The following NRXN3 variants were observed in gnomAD, a reference collection of about 807,000 sequenced individuals.
NRXN3 encodes neurexin 3.
NRXN3 carries 32 observed loss-of-function variants against 137.6 expected under a neutral mutation model. The ratio of observed to expected loss-of-function variants is 0.23; its 90% CI spans 0.18 to 0.31. The LOEUF (loss-of-function observed/expected upper bound fraction) is 0.31. Among genes scored for constraint, NRXN3 ranks in the 10% least tolerant of loss-of-function variants. The pLI is 1.00. For missense variants in NRXN3, 1,574 were observed against 2,062.5 expected, an observed-to-expected ratio of 0.76 and a Z score of 4.59; for synonymous variants, 798 against 784.5, an observed-to-expected ratio of 1.02 and a Z score of -0.29.
chr14:79,197,056 C>G (rs2065235800), intron 15 of NRXN3, among the ~76,000 whole-genome samples: 1 of 152,128 alleles, frequency 6.6e-6, no homozygotes, highest in South Asian at 2.1e-4. Flanking sequence ...ATCTCTTATC[C>G]TATTTCTGGG....
intron 19 of NRXN3, among the ~76,000 whole-genome samples, chr14:79,741,686 A>G (rs758783877): frequency 5.3e-5 from 8 of 151,800 alleles, no homozygotes; most frequent in South Asian, 2.1e-4. Flanking sequence ...GGGTTTTGCT[A>G]TGTTGGCCAG....
chr14:78,347,129 G>A (rs930512234), intron 4 of NRXN3, among the ~76,000 whole-genome samples: 7 of 152,304 alleles, frequency 4.6e-5, no homozygotes, highest in African/African-American at 1.4e-4. Flanking sequence ...ATGAATTGCC[G>A]TCAATTACAA....
intron 4 of NRXN3, among the ~76,000 whole-genome samples, chr14:78,597,340 A>T (rs2097165771): frequency 6.6e-6 from 1 of 152,266 alleles, no homozygotes; most frequent in African/African-American, 2.4e-5. Flanking sequence ...CTACAATTAA[A>T]GATAGAATCC....
At position 79,862,472 on chromosome 14, in the gene NRXN3, A is replaced by G. The variant is rs1309628498; in HGVS notation, c.*508A>G. ...AAAAGTTAAAAAAGAAAAAAACACC[A>G]AAAAACAAAAACAAACAAAAAAAAA... On this transcript the variant is annotated 3_prime_UTR_variant, in exon 21 of 21. Coordinates refer to ENST00000335750, the MANE Select transcript of NRXN3 (RefSeq NM_001330195.2). 2 of 151,678 alleles carry G rather than the reference A, an allele frequency of 1.3e-5. No homozygotes were observed. Among genetic ancestry groups the G allele is most frequent in the Non-Finnish European group, 1.5e-5 (1 of 67,874 alleles). 9.4% of individuals were successfully genotyped at this position (151,678 alleles called of 1,614,324 possible).
intron 19 of NRXN3, among the ~76,000 whole-genome samples, chr14:79,715,594 T>A (rs1447533690): frequency 6.6e-6 from 1 of 152,204 alleles, no homozygotes; most frequent in African/African-American, 2.4e-5. Flanking sequence ...TGTGGACAGA[T>A]CTGGATAGAG....
intron 16 of NRXN3, among the ~76,000 whole-genome samples, chr14:79,577,087 G>T (rs2097671859): frequency 6.6e-6 from 1 of 152,062 alleles, no homozygotes; most frequent in Non-Finnish European, 1.5e-5. Flanking sequence ...AGATCTGATG[G>T]TTTTATAAAT....
chr14:78,821,354 A>G lies in NRXN3; in HGVS notation c.2275+11010A>G, dbSNP rs551598627. ...GTAATATTTGAAACACAAAAGCGAG[A>G]GAGAGGAAGACCTGCTTATTTCCTG... On this transcript the variant is annotated intron_variant, in intron 10 of 20. Transcript: ENST00000335750. Among the ~76,000 whole-genome samples, 5 of 152,248 alleles carry G rather than the reference A, an allele frequency of 3.3e-5. No homozygotes were observed. In the East Asian group the frequency reaches 9.7e-4, roughly 29 times the overall value.
intron 6 of NRXN3, among the ~76,000 whole-genome samples, chr14:78,673,137 A>G (rs2097954918): frequency 6.6e-6 from 1 of 152,214 alleles, no homozygotes; most frequent in Non-Finnish European, 1.5e-5. Flanking sequence ...CTGCAGGTTA[A>G]ATCCTGTGAC....
chr14:78,989,670 A>G (rs887510286), intron 15 of NRXN3, among the ~76,000 whole-genome samples: 1 of 152,210 alleles, frequency 6.6e-6, no homozygotes, highest in Non-Finnish European at 1.5e-5. Flanking sequence ...CTGAGGAATT[A>G]TACTATATGC....
At chr14:78,445,919 G>A (rs911439717) in intron 4 of NRXN3, among the ~76,000 whole-genome samples, 10 of 152,300 alleles carry the variant, frequency 6.6e-5, no homozygotes, top group Non-Finnish European at 1.0e-4. Context: ...AAGCCTGCTC[G>A]CTCTTAGTCC....
chr14:78,906,135 A>G (rs749838415), intron 10 of NRXN3, among the ~76,000 whole-genome samples: 7 of 152,104 alleles, frequency 4.6e-5, no homozygotes, highest in Non-Finnish European at 8.8e-5. Flanking sequence ...TTTCTCTTAG[A>G]TAAAAGATTT....
chr14:79,415,147 G>T (rs769827364), intron 15 of NRXN3, among the ~76,000 whole-genome samples: 1 of 151,988 alleles, frequency 6.6e-6, no homozygotes, highest in Non-Finnish European at 1.5e-5. Context: ...CGGACACTCA[G>T]GTTGATATAA....
intron 10 of NRXN3, among the ~76,000 whole-genome samples, chr14:78,937,798 T>C (rs1216493555): frequency 1.3e-5 from 2 of 152,240 alleles, no homozygotes; most frequent in Non-Finnish European, 1.5e-5. Flanking sequence ...CAACTCATGG[T>C]CAGACAATGT....
At chr14:78,566,417 A>G (rs2096836536) in intron 4 of NRXN3, among the ~76,000 whole-genome samples, 1 of 150,560 alleles carries the variant, frequency 6.6e-6, no homozygotes, top group South Asian at 2.1e-4. Context: ...CTTTTCCTTC[A>G]AGTTTTCCAT....
At chr14:78,993,326 A>G (rs552135826) in intron 15 of NRXN3, among the ~76,000 whole-genome samples, 93 of 152,302 alleles carry the variant, frequency 6.1e-4, no homozygotes, top group Non-Finnish European at 1.2e-3. Context: ...AAGGGGACAG[A>G]TATGTGTATA....
intron 20 of NRXN3, among the ~76,000 whole-genome samples, chr14:79,858,641 A>G (rs2099407843): frequency 6.7e-6 from 1 of 149,426 alleles, no homozygotes; most frequent in South Asian, 2.1e-4. Context: ...AGATAAGTTA[A>G]AAAAAAAAAT....
intron 15 of NRXN3, among the ~76,000 whole-genome samples, chr14:79,374,870 G>A (rs1279229693): frequency 2.6e-5 from 4 of 151,980 alleles, no homozygotes; most frequent in Non-Finnish European, 5.9e-5. Flanking sequence ...TTGGGTTTGC[G>A]TTTTCTTGGG....
At chr14:79,113,822 T>C (rs1424860216) in intron 15 of NRXN3, among the ~76,000 whole-genome samples, 7 of 152,184 alleles carry the variant, frequency 4.6e-5, no homozygotes, top group Admixed American at 1.3e-4. Flanking sequence ...GGTGAGTTAT[T>C]AATAGTTAAA....
chr14:79,066,905 T>A (rs193024817), intron 15 of NRXN3, among the ~76,000 whole-genome samples: 1 of 152,272 alleles, frequency 6.6e-6, no homozygotes, highest in Non-Finnish European at 1.5e-5. Flanking sequence ...ATCAATGTCA[T>A]CTGCAAACAA....
Sources: gnomAD v4.1 joint callset for allele counts (sites outside exome capture counted in the v4.1 genomes callset) on GRCh38, gnomAD v4.1.1 for gene constraint, MANE v1.5 for transcripts, NCBI Gene and HGNC (gene_info 2026-07-23, HGNC 2026-07-21) for gene names.